The following ETFBKMT variants were observed in gnomAD, a reference collection of about 807,000 sequenced individuals.
ETFBKMT encodes electron transfer flavoprotein subunit beta lysine methyltransferase.
ETFBKMT carries 13 observed loss-of-function variants against 18.3 expected under a neutral mutation model. The ratio of observed to expected loss-of-function variants is 0.71; its 90% CI spans 0.46 to 1.13. The LOEUF is 1.13. ETFBKMT is among the 50% of genes most tolerant of loss of function. ETFBKMT has a pLI of 0.00. For missense variants in ETFBKMT, 293 were observed against 306.2 expected (o/e 0.96, Z 0.32); for synonymous variants, 84 against 107.9 (o/e 0.78, Z 1.37).
rs774122156 is a variant in ETFBKMT, at chr12:31,662,116, A to G, written c.163A>G (p.Thr55Ala). 7 of 1,614,204 alleles carry G rather than the reference A, an allele frequency of 4.3e-6. No homozygotes were observed. The East Asian group carries it at 1.3e-4, about 31-fold the overall frequency. ...GATAAAGGCTTTCCTGGAGGAGAACACTGAAGTCACCAGCAGTGGTAGCCT... is the reference window on the plus strand; with the variant it reads ...GATAAAGGCTTTCCTGGAGGAGAACGCTGAAGTCACCAGCAGTGGTAGCCT... ...PEIKAFLEEN[T>A]EVTSSGSLTP... Residue 55 changes from threonine to alanine, a missense_variant, in exon 2 of 4, where the codon ACT becomes GCT. Physicochemically the swap from Thr to Ala is moderately conservative, Grantham distance 58 (BLOSUM62 0). Transcript: ENST00000357721.
Position 31,672,533 on chromosome 12 carries a change from A to C in ETFBKMT, c.*4543A>C. On this transcript the variant is annotated 3_prime_UTR_variant, in exon 4 of 4. Transcript: ENST00000357721. ...ACAATATACAACTAACTCACTAATA[A>C]TTAATTAATGGTAGCCCTCACTATT... The C allele has an allele frequency of 1.7e-6, 1 of 581,228 alleles. No individual in the cohort carries two copies. The highest frequency in any genetic ancestry group is 3.1e-6 in the Non-Finnish European group (1 of 325,560). The allele number at this position is 581,228 out of a possible 1,614,324, so 36.0% of individuals were successfully genotyped here. A position where few individuals can be genotyped will look rare whatever the true frequency, so the allele number is the denominator to read the frequency against.
upstream of ETFBKMT, among the ~76,000 whole-genome samples, chr12:31,658,889 A>G (rs35517071): frequency 0.22 from 33,168 of 150,702 alleles, 4,606 homozygotes; most frequent in Non-Finnish European, 0.32. Flanking sequence ...ATTTAATCGC[A>G]GTTGAATGTA....
chr12:31,670,260 T>G lies in ETFBKMT; in HGVS notation c.*2270T>G, dbSNP rs1052943065. ...TCCAGCAACAGGCTTCTGCTCCCTGTAAGCTATGGTTCTTTGTATTTGCGT... is the reference window on the plus strand; with the variant it reads ...TCCAGCAACAGGCTTCTGCTCCCTGGAAGCTATGGTTCTTTGTATTTGCGT... On this transcript the variant is annotated 3_prime_UTR_variant, in exon 4 of 4. Transcript: ENST00000357721. 5.3e-5 allele frequency: 8 copies of G among 152,278 alleles called. No homozygotes were observed. The highest frequency in any genetic ancestry group is 1.0e-4 in the Non-Finnish European group (7 of 68,062). The allele number at this position is 152,278 out of a possible 1,614,324, so 9.4% of individuals were successfully genotyped here.
chr12:31,665,877 C>G (rs893590400), intron 2 of ETFBKMT, among the ~76,000 whole-genome samples: 1 of 152,250 alleles, frequency 6.6e-6, no homozygotes, highest in South Asian at 2.1e-4. Context: ...GTTCTCTGCC[C>G]TGGGCAGGCC....
At chr12:31,658,881 T>G (rs893250413), upstream of ETFBKMT, among the ~76,000 whole-genome samples, 1 of 151,894 alleles carries the variant, frequency 6.6e-6, no homozygotes, top group African/African-American at 2.4e-5. Flanking sequence ...TCATTATGAT[T>G]TAATCGCAGT....
At chr12:31,651,891 C>A (rs1156493155) in intron 1 of ETFBKMT, among the ~76,000 whole-genome samples, 2 of 152,218 alleles carry the variant, frequency 1.3e-5, no homozygotes, top group African/African-American at 4.8e-5. Flanking sequence ...AGCCGAGCTG[C>A]AGACACAGAC....
At position 31,668,153 on chromosome 12, in the gene ETFBKMT, G is replaced by T; in HGVS notation, c.*163G>T. On this transcript the variant is annotated 3_prime_UTR_variant, in exon 4 of 4. Transcript: ENST00000357721. ...TTAGAGTTTTGTTTACTTTTGTCATGTAACTGGTTCTGTATTTCTATGCAT... is the reference window on the plus strand; with the variant it reads ...TTAGAGTTTTGTTTACTTTTGTCATTTAACTGGTTCTGTATTTCTATGCAT... 1 of 613,778 alleles carries T rather than the reference G, an allele frequency of 1.6e-6. No individual in the cohort carries two copies. Among genetic ancestry groups the T allele is most frequent in the Non-Finnish European group, 2.7e-6 (1 of 365,682 alleles). 38.0% of individuals were successfully genotyped at this position (613,778 alleles called of 1,614,324 possible).
intron 1 of ETFBKMT, 197 bp downstream of exon 1, chr12:31,659,986 T>TAAAAAAA (rs10567575): frequency 2.0e-5 from 2 of 101,302 alleles, no homozygotes; most frequent in African/African-American, 7.8e-5. Flanking sequence ...TCGTCTCTAC[T>TAAAAAAA]AAAAAAAAAA....
At chr12:31,652,049 T>G (rs971499250) in intron 1 of ETFBKMT, among the ~76,000 whole-genome samples, 3 of 152,206 alleles carry the variant, frequency 2.0e-5, no homozygotes, top group Non-Finnish European at 4.4e-5. Flanking sequence ...AGAAAGTCTA[T>G]TTCCATAATA....
chr12:31,657,791 C>CAAAA (rs777612236), upstream of ETFBKMT, among the ~76,000 whole-genome samples: 15 of 46,230 alleles, frequency 3.2e-4, no homozygotes, highest in South Asian at 6.9e-4. Flanking sequence ...GACTTCATCT[C>CAAAA]AAAAAAAAAA....
intron 1 of ETFBKMT, among the ~76,000 whole-genome samples, chr12:31,660,525 A>G (rs1437174636): frequency 6.6e-6 from 1 of 152,134 alleles, no homozygotes; most frequent in Non-Finnish European, 1.5e-5. Flanking sequence ...GTTTTTCTAT[A>G]TATATATATT....
At chr12:31,665,927 C>G (rs1029056801) in intron 2 of ETFBKMT, among the ~76,000 whole-genome samples, 160 bp from the exon 3 acceptor site, 1 of 152,242 alleles carries the variant, frequency 6.6e-6, no homozygotes, top group Non-Finnish European at 1.5e-5. Context: ...CCACAGCCTT[C>G]CAGCGTGGGT....
At chr12:31,655,514 G>A (rs1951054588), upstream of ETFBKMT, among the ~76,000 whole-genome samples, 1 of 152,156 alleles carries the variant, frequency 6.6e-6, no homozygotes, top group Non-Finnish European at 1.5e-5. Flanking sequence ...CACCGACTGT[G>A]TCAATTATAA....
At chr12:31,661,539 G>A (rs1410038779) in intron 1 of ETFBKMT, among the ~76,000 whole-genome samples, 1 of 151,608 alleles carries the variant, frequency 6.6e-6, no homozygotes, top group Non-Finnish European at 1.5e-5. Flanking sequence ...GCAATGGTGC[G>A]ATCTCGGCAC....
At chr12:31,657,967 C>G (rs1054428614), upstream of ETFBKMT, among the ~76,000 whole-genome samples, 1 of 152,106 alleles carries the variant, frequency 6.6e-6, no homozygotes, top group South Asian at 2.1e-4. Context: ...GTTGCAGTCC[C>G]TTCAGCCAAG....
At chr12:31,660,919 T>A (rs1290501379) in intron 1 of ETFBKMT, 1 of 152,238 alleles carries the variant, frequency 6.6e-6, no homozygotes, top group African/African-American at 2.4e-5. Context: ...ACAGAAGACT[T>A]CTGTTATTTT....
In ETFBKMT at chr12:31,672,610, G is replaced by A. The variant is rs936871146; in HGVS notation, c.*4620G>A. On this transcript the variant is annotated 3_prime_UTR_variant, in exon 4 of 4. Transcript: ENST00000357721. ...ATTACTTGTTTAAAAAAAAAAAACA[G>A]GCATTTGTTGTTTTCTCTGTAATTT... 8.3e-6 allele frequency: 3 copies of A among 359,638 alleles called. No homozygotes were observed. Among genetic ancestry groups the A allele is most frequent in the Non-Finnish European group, 1.5e-5 (3 of 197,706 alleles). 22.3% of individuals were successfully genotyped at this position (359,638 alleles called of 1,614,324 possible).
At chr12:31,665,910 G>C (rs1034647654) in intron 2 of ETFBKMT, among the ~76,000 whole-genome samples, 177 bp from the exon 3 acceptor site, 1 of 152,224 alleles carries the variant, frequency 6.6e-6, no homozygotes, top group African/African-American at 2.4e-5. Context: ...CCCTCATTCC[G>C]GTAAACCCAC....
chr12:31,654,297 A>G (rs749318828), upstream of ETFBKMT, among the ~76,000 whole-genome samples: 2 of 152,106 alleles, frequency 1.3e-5, no homozygotes, highest in Non-Finnish European at 2.9e-5. Flanking sequence ...TGATCCTCCC[A>G]CCTTGGCCTC....
Sources: allele counts gnomAD v4.1 joint callset (sites outside exome capture counted in the v4.1 genomes callset), GRCh38; gene constraint gnomAD v4.1.1; transcripts MANE v1.5; gene names NCBI Gene and HGNC (gene_info 2026-07-23, HGNC 2026-07-21).